SIPA1L1: variants seen among roughly 807,000 people sequenced by gnomAD.
SIPA1L1 encodes the protein signal-induced proliferation-associated 1-like protein 1.
A neutral mutation model predicts 162.7 loss-of-function variants in SIPA1L1; 26 were observed. That is an observed-to-expected ratio of 0.16 (90% CI 0.12 to 0.22). The LOEUF (loss-of-function observed/expected upper bound fraction) is 0.22. Ranked by LOEUF, SIPA1L1 falls within the 10% of genes least tolerant of loss-of-function variation. The pLI, the probability that SIPA1L1 is intolerant of heterozygous loss-of-function variation, is 1.00. For synonymous variants in SIPA1L1, 829 were observed against 837.4 expected, an observed-to-expected ratio of 0.99 and a Z score of 0.17; for missense variants, 1,874 against 2,241.0, an observed-to-expected ratio of 0.84 and a Z score of 3.31.
At chr14:71,431,044 C>T (rs1331029844) in intron 2 of SIPA1L1, among the ~76,000 whole-genome samples, 1 of 152,102 alleles carries the variant, frequency 6.6e-6, no homozygotes, top group Non-Finnish European at 1.5e-5. Flanking sequence ...AATTTGTTAG[C>T]AGCGCAGTGT....
At chr14:71,446,011 A>G (rs529759969) in intron 2 of SIPA1L1, among the ~76,000 whole-genome samples, 5 of 152,040 alleles carry the variant, frequency 3.3e-5, no homozygotes, top group Non-Finnish European at 7.4e-5. Flanking sequence ...ACCATGCCCA[A>G]CTAATTTTGT....
rs760621071 is a variant in SIPA1L1 at position 71,730,077 on chromosome 14, A to G, written c.4637A>G (p.Gln1546Arg). ...SFKFHALSSP[Q>R]SPFPSTPTSR... is the part of the protein sequence containing the mutation. ...CAGTTCCACGCACTCTCCTCTCCTCAGTCTCCTTTCCCCAGCACCCCCACC... is the reference window on the plus strand; with the variant it reads ...CAGTTCCACGCACTCTCCTCTCCTCGGTCTCCTTTCCCCAGCACCCCCACC... Residue 1546 changes from glutamine (Q) to arginine (R), a missense_variant, in exon 20 of 24, where the codon CAG (glutamine) becomes CGG (arginine). Physicochemically the swap from Gln to Arg is conservative, Grantham distance 43. Transcript: ENST00000381232. 8 of 1,613,980 alleles carry G rather than the reference A, an allele frequency of 5.0e-6. No homozygotes were observed. The Admixed American group carries it at 1.3e-4, about 27-fold the overall frequency.
intron 5 of SIPA1L1, among the ~76,000 whole-genome samples, chr14:71,604,068 C>G (rs1231862932): frequency 1.3e-5 from 2 of 148,204 alleles, no homozygotes; most frequent in Admixed American, 6.7e-5. Flanking sequence ...CTGATCTCAG[C>G]TAACTGCAAC....
At chr14:71,638,817 A>G (rs2041421417) in intron 7 of SIPA1L1, among the ~76,000 whole-genome samples, 1 of 152,244 alleles carries the variant, frequency 6.6e-6, no homozygotes, top group African/African-American at 2.4e-5. Flanking sequence ...ATGATTCAAC[A>G]TCAACTTACA....
intron 2 of SIPA1L1, among the ~76,000 whole-genome samples, chr14:71,464,808 AAACTC>A (rs1429467759): frequency 6.6e-6 from 1 of 152,170 alleles, no homozygotes; most frequent in Non-Finnish European, 1.5e-5. Flanking sequence ...ATAAATTAGA[AAACTC>A]AAAACAGTTC....
At chr14:71,419,562 A>G (rs1198104077) in intron 2 of SIPA1L1, among the ~76,000 whole-genome samples, 2 of 145,848 alleles carry the variant, frequency 1.4e-5, no homozygotes, top group East Asian at 2.0e-4. Flanking sequence ...CAGTGGCGCA[A>G]TCTCGGCTCA....
intron 2 of SIPA1L1, among the ~76,000 whole-genome samples, chr14:71,491,028 G>A (rs561542053): frequency 1.3e-5 from 2 of 152,220 alleles, no homozygotes; most frequent in Admixed American, 1.3e-4. Context: ...ATATCACTGA[G>A]TGCTTAAGTA....
intron 2 of SIPA1L1, among the ~76,000 whole-genome samples, chr14:71,412,150 A>C (rs2042450506): frequency 6.6e-6 from 1 of 152,250 alleles, no homozygotes; most frequent in African/African-American, 2.4e-5. Context: ...GTGTAAAAAC[A>C]GCAAGTTTTG....
At chr14:71,324,693 T>C (rs1189095289) in intron 2 of SIPA1L1, among the ~76,000 whole-genome samples, 1 of 152,270 alleles carries the variant, frequency 6.6e-6, no homozygotes, top group Non-Finnish European at 1.5e-5. Flanking sequence ...ATGTACTCTT[T>C]AGCTCTTTAG....
At chr14:71,497,220 A>G (rs2049861079) in intron 2 of SIPA1L1, among the ~76,000 whole-genome samples, 1 of 152,054 alleles carries the variant, frequency 6.6e-6, no homozygotes, top group South Asian at 2.1e-4. Flanking sequence ...AGTTTTATTT[A>G]TTTTTATTAC....
intron 7 of SIPA1L1, among the ~76,000 whole-genome samples, chr14:71,641,449 G>A (rs773296636): frequency 2.0e-5 from 3 of 152,142 alleles, no homozygotes; most frequent in Admixed American, 6.6e-5. Context: ...GAGGCCGGGC[G>A]TGGTGGCTCA....
At chr14:71,622,235 CAT>C (rs1040924854) in intron 6 of SIPA1L1, among the ~76,000 whole-genome samples, 92 of 152,284 alleles carry the variant, frequency 6.0e-4, no homozygotes, top group African/African-American at 2.2e-3. Flanking sequence ...CATTGCAAAA[CAT>C]AAAAGAAGAT....
intron 14 of SIPA1L1, among the ~76,000 whole-genome samples, chr14:71,699,942 A>G (rs2081957859): frequency 6.6e-6 from 1 of 152,250 alleles, no homozygotes; most frequent in South Asian, 2.1e-4. Context: ...CTCTTAAACT[A>G]CTAAATGCTT....
intron 12 of SIPA1L1, among the ~76,000 whole-genome samples, chr14:71,679,713 G>A (rs2045599259): frequency 6.6e-6 from 1 of 152,094 alleles, no homozygotes; most frequent in Admixed American, 6.5e-5. Flanking sequence ...ACACACATAG[G>A]CTCAAAATAA....
chr14:71,684,298 T>C (rs978310260), intron 12 of SIPA1L1, among the ~76,000 whole-genome samples: 2 of 152,206 alleles, frequency 1.3e-5, no homozygotes, highest in African/African-American at 4.8e-5. Context: ...CACTGAGATA[T>C]GTAGACAAGG....
chr14:71,642,566 C>A (rs2041822031), intron 7 of SIPA1L1, among the ~76,000 whole-genome samples: 1 of 152,172 alleles, frequency 6.6e-6, no homozygotes, highest in South Asian at 2.1e-4. Flanking sequence ...GGCTCAAACT[C>A]TTGCCAAGTA....
intron 2 of SIPA1L1, among the ~76,000 whole-genome samples, chr14:71,343,668 T>C (rs149226766): frequency 6.6e-6 from 1 of 151,918 alleles, no homozygotes; most frequent in African/African-American, 2.4e-5. Context: ...CAGAGCTCTG[T>C]CCAGTAAAAG....
chr14:71,462,043 A>G (rs896802646), intron 2 of SIPA1L1, among the ~76,000 whole-genome samples: 1 of 152,166 alleles, frequency 6.6e-6, no homozygotes, highest in African/African-American at 2.4e-5. Flanking sequence ...TACCACTTCC[A>G]TTTGATGATA....
chr14:71,414,674 A>C (rs972272504), intron 2 of SIPA1L1, among the ~76,000 whole-genome samples: 1 of 152,164 alleles, frequency 6.6e-6, no homozygotes, highest in African/African-American at 2.4e-5. Context: ...ATGTTTCTTG[A>C]AATTAGGTGA....
Sources: allele counts gnomAD v4.1 joint callset (sites outside exome capture counted in the v4.1 genomes callset), GRCh38; gene constraint gnomAD v4.1.1; transcripts MANE v1.5; gene names NCBI Gene and HGNC (gene_info 2026-07-23, HGNC 2026-07-21).